Variants in STXBP3 observed in about 807,000 individuals in gnomAD.
The protein encoded by STXBP3 is syntaxin binding protein 3.
In STXBP3, 41 loss-of-function variants were observed where a neutral mutation model predicts 85.7. The observed-to-expected ratio is 0.48, with a 90% CI of 0.37 to 0.62. The LOEUF is 0.62. Among genes scored for constraint, STXBP3 ranks in the 20% least tolerant of loss-of-function variants. STXBP3 has a pLI of 0.00. For synonymous variants in STXBP3, 229 were observed against 231.7 expected, an observed-to-expected ratio of 0.99 and a Z score of 0.10; for missense variants, 563 against 703.1, an observed-to-expected ratio of 0.80 and a Z score of 2.25.
chr1:108,773,869 G>A (rs1050936140), intron 7 of STXBP3, among the ~76,000 whole-genome samples: 2 of 151,782 alleles, frequency 1.3e-5, no homozygotes, highest in African/African-American at 2.4e-5. Context: ...TCGAGATGAC[G>A]AACAAAATGA....
chr1:108,783,589 C>A (rs1662764651), intron 11 of STXBP3, among the ~76,000 whole-genome samples: 1 of 151,902 alleles, frequency 6.6e-6, no homozygotes, highest in Non-Finnish European at 1.5e-5. Flanking sequence ...AGTTTGTTTC[C>A]AGTTTGGGAT....
chr1:108,805,832 C>G (rs575552598), intron 17 of STXBP3, among the ~76,000 whole-genome samples: 23 of 152,248 alleles, frequency 1.5e-4, no homozygotes, highest in African/African-American at 5.5e-4. Context: ...GAGTTCGAGG[C>G]TGTAGTGCCC....
At chr1:108,781,057 C>T (rs1438943836) in intron 9 of STXBP3, 4 of 152,174 alleles carry the variant, frequency 2.6e-5, no homozygotes, top group African/African-American at 9.7e-5. Flanking sequence ...ATGGGATATT[C>T]ATCACCTGAG....
At position 108,760,035 on chromosome 1, in the gene STXBP3, A is replaced by G. The variant is rs753442306; in HGVS notation, c.388A>G (p.Ile130Val). Residue 130 changes from isoleucine (I) to valine (V), a missense_variant, in exon 6 of 19, where the codon ATA becomes GTA. This residue lies in a region of STXBP3 where 494 missense variants were observed against 592.8 expected (regional missense o/e 0.83). Transcript: ENST00000370008. The stretch of plus-strand genomic sequence containing the variant: ...AATTAAGGCTTCTTGCTCCAAGTCA[A>G]TAAGAAGATGTAAAGAAATAAATAT... ...NKIKASCSKS[I>V]RRCKEINISF... The G allele has an allele frequency of 1.6e-5, 25 of 1,576,360 alleles. No homozygotes were observed. In the East Asian group the frequency reaches 1.9e-4, roughly 12 times the overall value.
chr1:108,807,367 A>G (rs1663361932), intron 17 of STXBP3, 34 bp from the exon 18 acceptor site: 2 of 1,581,790 alleles, frequency 1.3e-6, no homozygotes, highest in Non-Finnish European at 1.7e-6. Context: ...TGTTTATAAC[A>G]TGTTTACTTT....
At position 108,800,263 on chromosome 1, in the gene STXBP3, G is replaced by T; in HGVS notation, c.1493G>T (p.Cys498Phe). The change falls in exon 17 of 19, where the codon TGT becomes TTT. Residue 498 changes from cysteine (C) to phenylalanine (F), a missense_variant. Cys to Phe is a radical substitution (Grantham distance 205, BLOSUM62 -2). This residue lies in a region of STXBP3 where 494 missense variants were observed against 592.8 expected (regional missense o/e 0.83). Coordinates refer to ENST00000370008, the MANE Select transcript of STXBP3 (RefSeq NM_007269.4). ...TTAGATTCAAAAGAATGGCCATATT[G>T]TTCCCAGTGTCCAGCAGTATGGAAT... is the stretch of plus-strand genomic sequence containing the variant. ...NRLDSKEWPY[C>F]SQCPAVWNGS... 2 of 1,612,674 alleles carry T rather than the reference G, an allele frequency of 1.2e-6. No homozygotes were observed. The highest frequency in any genetic ancestry group is 1.7e-6 in the Non-Finnish European group (2 of 1,178,880).
chr1:108,747,270 C>G (rs1196964413), intron 1 of STXBP3, among the ~76,000 whole-genome samples: 1 of 152,182 alleles, frequency 6.6e-6, no homozygotes, highest in Admixed American at 6.5e-5. Flanking sequence ...AGTATCAACC[C>G]GTGCTTTTCA....
intron 6 of STXBP3, among the ~76,000 whole-genome samples, chr1:108,765,337 G>T (rs1324516601): frequency 2.6e-5 from 4 of 152,222 alleles, no homozygotes; most frequent in African/African-American, 7.2e-5. Context: ...GAGCCTCCAT[G>T]GGTAGGCCCA....
chr1:108,796,592 T>G, intron 14 of STXBP3, 28 bp from the exon 15 acceptor site: 5 of 1,588,526 alleles, frequency 3.1e-6, no homozygotes, highest in Non-Finnish European at 4.3e-6. Flanking sequence ...ATTGTGTGAT[T>G]GTGCACTCAT....
At chr1:108,752,378 T>A (rs1661922673) in intron 2 of STXBP3, 72 bp downstream of exon 2, 6 of 1,401,848 alleles carry the variant, frequency 4.3e-6, no homozygotes, top group Non-Finnish European at 5.0e-6. Context: ...AAAAACTACA[T>A]AGTATTTACA....
intron 11 of STXBP3, among the ~76,000 whole-genome samples, chr1:108,788,138 CA>C (rs1412026051): frequency 6.6e-6 from 1 of 152,160 alleles, no homozygotes; most frequent in East Asian, 1.9e-4. Flanking sequence ...TGGATTTCAT[CA>C]AAGGCATTTT....
chr1:108,784,136 C>T (rs1265333214), intron 11 of STXBP3, among the ~76,000 whole-genome samples: 1 of 152,022 alleles, frequency 6.6e-6, no homozygotes, highest in Non-Finnish European at 1.5e-5. Flanking sequence ...TCTCTGTGTC[C>T]TTAGAAGTCT....
intron 6 of STXBP3, among the ~76,000 whole-genome samples, chr1:108,768,670 A>C (rs1157966440): frequency 6.6e-6 from 1 of 152,204 alleles, no homozygotes; most frequent in East Asian, 1.9e-4. Context: ...TAGCTGGTGC[A>C]GAAAACTGTG....
intron 9 of STXBP3, 52 bp downstream of exon 9, chr1:108,779,462 A>G (rs778619151): frequency 9.9e-6 from 15 of 1,519,240 alleles, no homozygotes; most frequent in Admixed American, 6.0e-5. Flanking sequence ...AGGATAGAAT[A>G]TGAGCATTTA....
chr1:108,748,457 G>A (rs990529172), intron 1 of STXBP3, among the ~76,000 whole-genome samples: 3 of 152,168 alleles, frequency 2.0e-5, no homozygotes, highest in African/African-American at 7.2e-5. Flanking sequence ...AGGAGGCTGA[G>A]GCTGCAGTGG....
chr1:108,793,519 A>C (rs1663022774), intron 11 of STXBP3, 63 bp from the exon 12 acceptor site: 1 of 1,376,878 alleles, frequency 7.3e-7, no homozygotes, highest in Non-Finnish European at 1.0e-6. Context: ...CTAGGATTTC[A>C]AAGTTGTAAT....
At chr1:108,790,204 AGTTT>A (rs1662947467) in intron 11 of STXBP3, among the ~76,000 whole-genome samples, 1 of 152,048 alleles carries the variant, frequency 6.6e-6, no homozygotes, top group East Asian at 1.9e-4. Flanking sequence ...ACTGTGAATT[AGTTT>A]GTTTTTCTTT....
intron 1 of STXBP3, among the ~76,000 whole-genome samples, chr1:108,750,545 A>C (rs1661878341): frequency 6.6e-6 from 1 of 152,222 alleles, no homozygotes; most frequent in African/African-American, 2.4e-5. Flanking sequence ...AACATTTCTG[A>C]CACCAAATAT....
At chr1:108,793,454 C>A in intron 11 of STXBP3, 128 bp from the exon 12 acceptor site, 1 of 739,610 alleles carries the variant, frequency 1.4e-6, no homozygotes, top group Non-Finnish European at 2.1e-6. Flanking sequence ...ATTCTTCTTT[C>A]AAAAAAATTG....
Sources: gnomAD v4.1 joint callset for allele counts (sites outside exome capture counted in the v4.1 genomes callset) on GRCh38, gnomAD v4.1.1 for gene constraint, gnomAD v4.1.1 regional missense constraint, MANE v1.5 for transcripts, NCBI Gene and HGNC (gene_info 2026-07-23, HGNC 2026-07-21) for gene names.